Variants in PPME1 observed in about 807,000 individuals in gnomAD.
PPME1 encodes the protein protein phosphatase methylesterase 1.
PPME1 carries 17 observed loss-of-function variants against 56.9 expected under a neutral mutation model. That is an observed-to-expected ratio of 0.30 (90% CI 0.20 to 0.45). PPME1 has a LOEUF of 0.45. Ranked by LOEUF, PPME1 falls within the 20% of genes least tolerant of loss-of-function variation. The pLI is 1.00. For synonymous variants in PPME1, 122 were observed against 156.2 expected (o/e 0.78, Z 1.63); for missense variants, 357 against 483.2 (o/e 0.74, Z 2.45).
At chr11:74,227,539 A>C (rs1858962548) in intron 5 of PPME1, among the ~76,000 whole-genome samples, 1 of 152,140 alleles carries the variant, frequency 6.6e-6, no homozygotes, top group South Asian at 2.1e-4. Context: ...CTACCTAAGA[A>C]AGTATGTGAA....
chr11:74,192,242 C>T (rs1159399145), intron 1 of PPME1, among the ~76,000 whole-genome samples: 2 of 152,202 alleles, frequency 1.3e-5, no homozygotes, highest in African/African-American at 4.8e-5. Context: ...GGGTTTCAGA[C>T]TTTCATAGGG....
chr11:74,252,498 C>T, intron 13 of PPME1: 2 of 456,756 alleles, frequency 4.4e-6, no homozygotes, highest in Admixed American at 2.3e-5. Context: ...GCTTCCCCTC[C>T]CTTTCCGAAG....
At chr11:74,199,753 C>G (rs1412145369) in intron 1 of PPME1, among the ~76,000 whole-genome samples, 1 of 152,180 alleles carries the variant, frequency 6.6e-6, no homozygotes, top group African/African-American at 2.4e-5. Context: ...ATTCACAGTT[C>G]CACATGGCTG....
intron 3 of PPME1, among the ~76,000 whole-genome samples, chr11:74,221,570 C>T (rs1858801218): frequency 6.6e-6 from 1 of 152,000 alleles, no homozygotes; most frequent in Non-Finnish European, 1.5e-5. Context: ...TTTCTCTTGG[C>T]CTCAGTTTTC....
At chr11:74,198,179 T>G (rs17132816) in intron 1 of PPME1, among the ~76,000 whole-genome samples, 15,816 of 152,230 alleles carry the variant, frequency 0.1, 2,148 homozygotes, top group African/African-American at 0.32. Context: ...TTGACTTTGA[T>G]TCTGCTGTCA....
At chr11:74,174,258 C>T (rs933527409) in intron 1 of PPME1, among the ~76,000 whole-genome samples, 1 of 152,090 alleles carries the variant, frequency 6.6e-6, no homozygotes, top group African/African-American at 2.4e-5. Context: ...GCGGTAGGGC[C>T]GTTAAGGACT....
chr11:74,242,305 C>T (rs1859382053), intron 9 of PPME1, among the ~76,000 whole-genome samples: 2 of 152,158 alleles, frequency 1.3e-5, no homozygotes, highest in African/African-American at 4.8e-5. Flanking sequence ...GATTTTATTT[C>T]TGAACTCTGA....
intron 3 of PPME1, among the ~76,000 whole-genome samples, chr11:74,209,840 T>C (rs924817167): frequency 6.6e-6 from 1 of 152,214 alleles, no homozygotes; most frequent in Non-Finnish European, 1.5e-5. Flanking sequence ...GAAGGTATTA[T>C]TAGTCTGATA....
rs1378372934 is a variant in PPME1, at chr11:74,207,191, G to A, written c.288+2746G>A. The stretch of plus-strand genomic sequence containing the variant: ...TATTACAAAGCAACCCAGGTCCTCT[G>A]CAGAGGAAAAGCAAGCATCATTTCA... On this transcript the variant is annotated intron_variant, in intron 3 of 13. Transcript: ENST00000328257. 2.0e-5 allele frequency among the ~76,000 whole-genome samples: 3 copies of A among 152,160 alleles called. No homozygotes were observed. The South Asian group carries it at 6.2e-4, about 32-fold the overall frequency.
intron 1 of PPME1, among the ~76,000 whole-genome samples, chr11:74,177,180 GC>G (rs1857420803): frequency 6.6e-6 from 1 of 152,050 alleles, no homozygotes; most frequent in Non-Finnish European, 1.5e-5. Flanking sequence ...AATAGTCCTG[GC>G]CAGGCTCAGT....
rs1337181617 is a variant in PPME1, at chr11:74,246,063, C to T, written c.835-13C>T. The T allele has an allele frequency of 1.9e-6, 3 of 1,576,498 alleles. No individual in the cohort carries two copies. The highest frequency in any genetic ancestry group is 1.2e-5 in the South Asian group (1 of 85,446). On this transcript the variant is annotated splice_polypyrimidine_tract_variant and intron_variant, in intron 9 of 13. Coordinates refer to ENST00000328257, the MANE Select transcript of PPME1 (RefSeq NM_016147.3). ...TGCCCTCGGAGACTCAGAACTTGCT[C>T]TTATTCCTCCAGACCAAGAAAGACC... is the stretch of plus-strand genomic sequence containing the variant.
chr11:74,249,927 A>G (rs1057326957), intron 11 of PPME1: 16 of 152,250 alleles, frequency 1.1e-4, no homozygotes, highest in African/African-American at 3.9e-4. Flanking sequence ...AAATGGGATC[A>G]TCTTATTCCT....
intron 1 of PPME1, among the ~76,000 whole-genome samples, chr11:74,183,269 C>T (rs1857588208): frequency 6.6e-6 from 1 of 152,092 alleles, no homozygotes; most frequent in Non-Finnish European, 1.5e-5. Context: ...TGTACTCCAG[C>T]CTGGATGACA....
At chr11:74,199,293 T>C (rs1384782475) in intron 1 of PPME1, among the ~76,000 whole-genome samples, 9 of 152,202 alleles carry the variant, frequency 5.9e-5, no homozygotes, top group Non-Finnish European at 1.3e-4. Context: ...CTTCTTAGGG[T>C]ATTTAACTCT....
chr11:74,224,158 A>G (rs1366747182), intron 4 of PPME1, among the ~76,000 whole-genome samples: 4 of 148,722 alleles, frequency 2.7e-5, no homozygotes, highest in Non-Finnish European at 4.5e-5. Context: ...AGCTTTCTAC[A>G]TATGGCTAGC....
At chr11:74,244,377 A>T (rs1440085784) in intron 9 of PPME1, among the ~76,000 whole-genome samples, 1 of 152,158 alleles carries the variant, frequency 6.6e-6, no homozygotes, top group Non-Finnish European at 1.5e-5. Flanking sequence ...ACTATTTTAC[A>T]ACTCAGTACA....
intron 5 of PPME1, among the ~76,000 whole-genome samples, chr11:74,229,517 G>A (rs1859015137): frequency 6.6e-6 from 1 of 152,026 alleles, no homozygotes; most frequent in Non-Finnish European, 1.5e-5. Context: ...AATAATTGAA[G>A]ATTAGAACCA....
At chr11:74,248,358 C>T (rs891174409) in intron 11 of PPME1, 19 of 152,242 alleles carry the variant, frequency 1.2e-4, no homozygotes, top group African/African-American at 4.6e-4. Context: ...TCCACCTCAC[C>T]CCTCTCTCCT....
At chr11:74,201,431 G>C (rs1230499983) in intron 1 of PPME1, among the ~76,000 whole-genome samples, 2 of 152,110 alleles carry the variant, frequency 1.3e-5, no homozygotes, top group African/African-American at 4.8e-5. Context: ...GCTATATTTA[G>C]ACTACAAAAA....
Sources: allele counts gnomAD v4.1 joint callset (sites outside exome capture counted in the v4.1 genomes callset), GRCh38; gene constraint gnomAD v4.1.1; transcripts MANE v1.5; gene names NCBI Gene and HGNC (gene_info 2026-07-23, HGNC 2026-07-21).